The following PDE4B variants were observed in gnomAD, a reference collection of about 807,000 sequenced individuals.
PDE4B encodes the protein phosphodiesterase 4B.
Under a neutral mutation model 82.2 loss-of-function variants are expected in PDE4B, and 20 were observed. The ratio of observed to expected loss-of-function variants is 0.24; its 90% CI spans 0.17 to 0.35. The LOEUF (loss-of-function observed/expected upper bound fraction) is 0.35, where lower values mean the gene tolerates loss of function less well. PDE4B is among the 10% of genes least tolerant of loss of function. PDE4B has a pLI of 1.00. For missense variants in PDE4B, 655 were observed against 907.2 expected, an observed-to-expected ratio of 0.72 and a Z score of 3.57; for synonymous variants, 320 against 318.9, an observed-to-expected ratio of 1.00 and a Z score of -0.04.
intron 3 of PDE4B, among the ~76,000 whole-genome samples, chr1:66,033,086 T>C (rs528746974): frequency 6.6e-6 from 1 of 152,152 alleles, no homozygotes; most frequent in African/African-American, 2.4e-5. Context: ...GTAAAGTGAG[T>C]GTGATGGTGG....
At chr1:65,877,268 C>A (rs917723731) in intron 1 of PDE4B, among the ~76,000 whole-genome samples, 2 of 152,142 alleles carry the variant, frequency 1.3e-5, no homozygotes, top group African/African-American at 4.8e-5. Flanking sequence ...ACCATCTCAT[C>A]TTTGACAAAC....
intron 1 of PDE4B, among the ~76,000 whole-genome samples, chr1:65,844,750 G>T (rs1383018243): frequency 6.6e-6 from 1 of 152,128 alleles, no homozygotes; most frequent in African/African-American, 2.4e-5. Flanking sequence ...AAAAGAAGTG[G>T]GGAGGATATA....
chr1:66,020,916 G>A (rs1653067954), intron 3 of PDE4B, among the ~76,000 whole-genome samples: 1 of 152,152 alleles, frequency 6.6e-6, no homozygotes, highest in Admixed American at 6.5e-5. Context: ...GGTTGAACTA[G>A]TTTACAGTCT....
chr1:66,089,439 A>G (rs1644966441), intron 3 of PDE4B, among the ~76,000 whole-genome samples: 1 of 152,112 alleles, frequency 6.6e-6, no homozygotes, highest in South Asian at 2.1e-4. Flanking sequence ...AAATAAAAAT[A>G]ATGAAAGCAA....
At chr1:65,973,937 C>G (rs939782831) in intron 3 of PDE4B, among the ~76,000 whole-genome samples, 2 of 152,112 alleles carry the variant, frequency 1.3e-5, no homozygotes, top group Non-Finnish European at 2.9e-5. Flanking sequence ...CTCAGCCTCC[C>G]GAGTAGCTGG....
chr1:65,840,141 A>G (rs1232349920), intron 1 of PDE4B, among the ~76,000 whole-genome samples: 2 of 152,142 alleles, frequency 1.3e-5, no homozygotes. Context: ...CTTAAGACTC[A>G]GTTAATAAAT....
intron 1 of PDE4B, among the ~76,000 whole-genome samples, chr1:65,878,673 T>C (rs1052358614): frequency 1.3e-5 from 2 of 151,562 alleles, no homozygotes; most frequent in Non-Finnish European, 2.9e-5. Flanking sequence ...TGAGTGAGAG[T>C]TGAACAATGA....
intron 3 of PDE4B, among the ~76,000 whole-genome samples, chr1:66,198,718 T>A (rs1648563187): frequency 6.6e-6 from 1 of 152,164 alleles, no homozygotes; most frequent in African/African-American, 2.4e-5. Context: ...CATTAACTCG[T>A]CATTTAGAAT....
At chr1:66,052,618 T>C (rs1655100773) in intron 3 of PDE4B, among the ~76,000 whole-genome samples, 1 of 151,998 alleles carries the variant, frequency 6.6e-6, no homozygotes. Flanking sequence ...TAACCTAATT[T>C]GCTTCCTCAT....
At chr1:66,333,453 T>C (rs1183250713) in intron 8 of PDE4B, among the ~76,000 whole-genome samples, 2 of 104,244 alleles carry the variant, frequency 1.9e-5, no homozygotes, top group African/African-American at 8.1e-5. Context: ...TATACAAAGT[T>C]ATATATGTGT....
At chr1:66,261,068 C>T (rs1166119962) in intron 6 of PDE4B, among the ~76,000 whole-genome samples, 1 of 152,180 alleles carries the variant, frequency 6.6e-6, no homozygotes, top group Non-Finnish European at 1.5e-5. Flanking sequence ...ACATTTACCA[C>T]TAGAGCTTCA....
chr1:66,344,709 C>A (rs1661258929), intron 8 of PDE4B, among the ~76,000 whole-genome samples: 1 of 152,138 alleles, frequency 6.6e-6, no homozygotes, highest in Non-Finnish European at 1.5e-5. Context: ...AAAATATGAG[C>A]TCCTTTTCGT....
intron 3 of PDE4B, among the ~76,000 whole-genome samples, chr1:66,124,955 A>G (rs1159936130): frequency 6.8e-6 from 1 of 147,246 alleles, no homozygotes; most frequent in Non-Finnish European, 1.5e-5. Flanking sequence ...CCTGCGATGG[A>G]ATGGCAGCCT....
intron 1 of PDE4B, among the ~76,000 whole-genome samples, chr1:65,800,076 TGG>T (rs150510194): frequency 2.6e-5 from 4 of 152,190 alleles, no homozygotes; most frequent in African/African-American, 9.7e-5. Flanking sequence ...CTGTATATAC[TGG>T]GGGGATTTTT....
At chr1:66,069,752 G>A (rs1268852083) in intron 3 of PDE4B, among the ~76,000 whole-genome samples, 1 of 152,008 alleles carries the variant, frequency 6.6e-6, no homozygotes, top group African/African-American at 2.4e-5. Context: ...AGGAAATAAT[G>A]TGGGCCTGGG....
At chr1:65,910,302 A>G (rs573578522) in intron 1 of PDE4B, among the ~76,000 whole-genome samples, 1 of 152,316 alleles carries the variant, frequency 6.6e-6, no homozygotes, top group African/African-American at 2.4e-5. Flanking sequence ...GCCTTACAAA[A>G]ACAAATTGAG....
chr1:66,033,783 TC>T (rs1163714911), intron 3 of PDE4B, among the ~76,000 whole-genome samples: 3 of 72,246 alleles, frequency 4.2e-5, no homozygotes, highest in Non-Finnish European at 9.8e-5. Context: ...TTTCTTTCTT[TC>T]TTTCTTTTTT....
At chr1:66,347,909 C>A (rs1181872794) in intron 8 of PDE4B, among the ~76,000 whole-genome samples, 1 of 151,982 alleles carries the variant, frequency 6.6e-6, no homozygotes, top group African/African-American at 2.4e-5. Context: ...GAATCATGAC[C>A]AATACGTAAG....
intron 8 of PDE4B, among the ~76,000 whole-genome samples, chr1:66,343,582 T>C (rs1226024102): frequency 2.0e-5 from 3 of 152,252 alleles, no homozygotes; most frequent in African/African-American, 7.2e-5. Flanking sequence ...GTTTGAATGT[T>C]TGAGACTCCA....
Sources: allele counts gnomAD v4.1 joint callset (sites outside exome capture counted in the v4.1 genomes callset), GRCh38; gene constraint gnomAD v4.1.1; transcripts MANE v1.5; gene names NCBI Gene and HGNC (gene_info 2026-07-23, HGNC 2026-07-21).